The following DCC variants were observed in gnomAD, a reference collection of about 807,000 sequenced individuals.
DCC encodes DCC netrin 1 receptor.
DCC carries 58 observed loss-of-function variants against 172.5 expected under a neutral mutation model. The ratio of observed to expected loss-of-function variants is 0.34; its 90% CI spans 0.27 to 0.42. The LOEUF (loss-of-function observed/expected upper bound fraction) is 0.42, where lower values mean the gene tolerates loss of function less well. Ranked by LOEUF, DCC falls within the 10% of genes least tolerant of loss-of-function variation. The pLI, the probability that DCC is intolerant of heterozygous loss-of-function variation, is 1.00. For missense variants in DCC, 1,740 were observed against 1,791.0 expected (o/e 0.97, Z 0.51); for synonymous variants, 709 against 644.5 (o/e 1.10, Z -1.52).
At position 53,230,765 on chromosome 18, in the gene DCC, T is replaced by C. The variant is rs138588350; in HGVS notation, c.1911+15168T>C. 5.5e-3 allele frequency among the ~76,000 whole-genome samples: 841 copies of C among 152,072 alleles called. 8 individuals carry two copies. Among genetic ancestry groups the C allele is most frequent in the Middle Eastern group, 0.024 (7 of 294 alleles). On this transcript the variant is annotated intron_variant, in intron 12 of 28. Coordinates refer to ENST00000442544, the MANE Select transcript of DCC (RefSeq NM_005215.4). ...AGTTATAAAGTATTTACAAATTCCA[T>C]AGATGGAGATTCAATTTAGAATACT...
intron 25 of DCC, among the ~76,000 whole-genome samples, chr18:53,484,071 T>A (rs1471408494): frequency 6.6e-6 from 1 of 151,896 alleles, no homozygotes; most frequent in East Asian, 1.9e-4. Context: ...TTTATAGCAA[T>A]CACTGAACAA....
chr18:53,299,774 G>A (rs2057111052), intron 12 of DCC, among the ~76,000 whole-genome samples: 1 of 152,176 alleles, frequency 6.6e-6, no homozygotes, highest in African/African-American at 2.4e-5. Flanking sequence ...AAGCAGAAAA[G>A]AATGTCCTCC....
chr18:52,796,055 C>G (rs578003024), intron 2 of DCC, among the ~76,000 whole-genome samples: 2 of 88,902 alleles, frequency 2.2e-5, no homozygotes, highest in South Asian at 4.0e-4. Flanking sequence ...TCTATAGGTA[C>G]AGTTACTTTT....
At chr18:52,368,870 G>T (rs1474272465) in intron 1 of DCC, among the ~76,000 whole-genome samples, 1 of 152,144 alleles carries the variant, frequency 6.6e-6, no homozygotes, top group East Asian at 1.9e-4. Context: ...CCAAGGGAGG[G>T]CTGAGCATCA....
At chr18:52,532,282 G>C (rs927499002) in intron 1 of DCC, among the ~76,000 whole-genome samples, 8 of 152,198 alleles carry the variant, frequency 5.3e-5, no homozygotes, top group South Asian at 2.1e-4. Flanking sequence ...ATTAATGTGA[G>C]GACTTCTTAT....
chr18:53,428,548 AAATATATTTATAT>A (rs1911275204), intron 21 of DCC, among the ~76,000 whole-genome samples: 1 of 30,328 alleles, frequency 3.3e-5, no homozygotes, highest in African/African-American at 1.1e-4. Context: ...ATATATATAT[AAATATATTTATAT>A]ATATATTTAT....
chr18:53,321,568 T>C (rs1225902657), intron 13 of DCC, among the ~76,000 whole-genome samples: 1 of 152,104 alleles, frequency 6.6e-6, no homozygotes, highest in Non-Finnish European at 1.5e-5. Context: ...TGAAAGATGG[T>C]TTTAAGAGAC....
chr18:52,630,047 G>A (rs1214003179), intron 1 of DCC, among the ~76,000 whole-genome samples: 1 of 151,022 alleles, frequency 6.6e-6, no homozygotes, highest in Non-Finnish European at 1.5e-5. Context: ...AACCCAGGAA[G>A]TAGAGGTTGA....
At position 52,793,902 on chromosome 18, in the gene DCC, C is replaced by T. The variant is rs1467093173; in HGVS notation, c.412+41528C>T. On this transcript the variant is annotated intron_variant, in intron 2 of 28. Transcript: ENST00000442544. ...ATTATTGAAGAGGGTATTCTTTCTCCAAGGTATTCTCTTTGTGCCTTTTTT... is the reference window on the plus strand; with the variant it reads ...ATTATTGAAGAGGGTATTCTTTCTCTAAGGTATTCTCTTTGTGCCTTTTTT... Among the ~76,000 whole-genome samples, 3 of 152,066 alleles carry T rather than the reference C, an allele frequency of 2.0e-5. No individual in the cohort carries two copies. The East Asian group carries it at 5.8e-4, about 29-fold the overall frequency.
At chr18:52,785,058 G>T in intron 2 of DCC, among the ~76,000 whole-genome samples, 1 of 151,944 alleles carries the variant, frequency 6.6e-6, no homozygotes, top group East Asian at 1.9e-4. Flanking sequence ...CTCACAGATT[G>T]GTTGATCAGG....
intron 5 of DCC, among the ~76,000 whole-genome samples, chr18:52,929,224 A>G (rs1482126293): frequency 6.6e-6 from 1 of 152,102 alleles, no homozygotes; most frequent in Non-Finnish European, 1.5e-5. Context: ...TTAGCACAGA[A>G]AGATAAGTGG....
At chr18:53,044,797 A>G (rs1259420829) in intron 5 of DCC, among the ~76,000 whole-genome samples, 1 of 151,872 alleles carries the variant, frequency 6.6e-6, no homozygotes, top group Non-Finnish European at 1.5e-5. Context: ...CTTTAAAAAT[A>G]TGCATGCAAT....
chr18:53,088,381 C>G (rs1568296853), intron 7 of DCC, among the ~76,000 whole-genome samples: 1 of 152,144 alleles, frequency 6.6e-6, no homozygotes, highest in Non-Finnish European at 1.5e-5. Context: ...AATGGGAGTT[C>G]ACTCATGATT....
chr18:52,712,685 A>C (rs77020729), intron 1 of DCC, among the ~76,000 whole-genome samples: 2,633 of 152,238 alleles, frequency 0.017, 61 homozygotes, highest in African/African-American at 0.06. Context: ...TTTCTGAAAC[A>C]CTCATGTTGG....
chr18:52,361,982 G>T (rs1157278449), intron 1 of DCC, among the ~76,000 whole-genome samples: 1 of 152,164 alleles, frequency 6.6e-6, no homozygotes, highest in Non-Finnish European at 1.5e-5. Context: ...CTTCATTTAG[G>T]TCATGACACA....
chr18:53,156,514 G>A (rs916736054), intron 7 of DCC, among the ~76,000 whole-genome samples: 13 of 150,376 alleles, frequency 8.6e-5, no homozygotes, highest in South Asian at 2.1e-4. Context: ...AATCAACTTC[G>A]TTACCATTTT....
At chr18:52,606,107 T>G (rs1008928339) in intron 1 of DCC, among the ~76,000 whole-genome samples, 2 of 152,046 alleles carry the variant, frequency 1.3e-5, no homozygotes, top group African/African-American at 4.8e-5. Flanking sequence ...AAGTGACCCA[T>G]AGTAAATTTT....
chr18:52,474,497 TA>T (rs1216947920), intron 1 of DCC, among the ~76,000 whole-genome samples: 2 of 152,150 alleles, frequency 1.3e-5, no homozygotes, highest in Admixed American at 1.3e-4. Flanking sequence ...AAGCTTGAGA[TA>T]ATAATGGATT....
chr18:52,674,592 C>T (rs1174349305), intron 1 of DCC, among the ~76,000 whole-genome samples: 2 of 152,168 alleles, frequency 1.3e-5, no homozygotes, highest in Admixed American at 6.5e-5. Flanking sequence ...CCATCACAAG[C>T]ACAACATATG....
Sources: allele counts gnomAD v4.1 joint callset (sites outside exome capture counted in the v4.1 genomes callset), GRCh38; gene constraint gnomAD v4.1.1; transcripts MANE v1.5; gene names NCBI Gene and HGNC (gene_info 2026-07-23, HGNC 2026-07-21).